The following ROBO4 variants were observed in gnomAD, a reference collection of about 807,000 sequenced individuals.
The protein encoded by ROBO4 is roundabout guidance receptor 4.
ROBO4 carries 80 observed loss-of-function variants against 103.3 expected under a neutral mutation model. The ratio of observed to expected loss-of-function variants is 0.77; its 90% CI spans 0.65 to 0.93. ROBO4 has a LOEUF of 0.93. Among genes scored for constraint, ROBO4 ranks in the 40% least tolerant of loss-of-function variants. The pLI, the probability that ROBO4 is intolerant of heterozygous loss-of-function variation, is 0.00. For missense variants in ROBO4, 1,333 were observed against 1,305.3 expected (o/e 1.02, Z -0.33); for synonymous variants, 504 against 529.7 (o/e 0.95, Z 0.67).
At position 124,886,660 on chromosome 11, in the gene ROBO4, G is replaced by A; in HGVS notation, c.2598C>T (p.Pro866=). ...LLCPPRPCLT[P]TPSEGSLANG... is the part of the protein sequence containing the mutation. ...TGGCTAAGGAGCCCTCGCTGGGGGT[G>A]GGGGTGAGGCAGGGCCGAGGTGGGC... is the stretch of plus-strand genomic sequence containing the variant. Residue 866 remains proline, a synonymous_variant, in exon 16 of 18, where the codon CCC becomes CCT. Coordinates refer to ENST00000306534, the MANE Select transcript of ROBO4 (RefSeq NM_019055.6). 4 of 1,613,892 alleles carry A rather than the reference G, an allele frequency of 2.5e-6. No homozygotes were observed. Among genetic ancestry groups the A allele is most frequent in the Non-Finnish European group, 3.4e-6 (4 of 1,179,814 alleles).
At chr11:124,892,012 G>A (rs1460681169) in intron 10 of ROBO4, 1 of 715,830 alleles carries the variant, frequency 1.4e-6, no homozygotes, top group Non-Finnish European at 2.5e-6. Context: ...TGGATGAGGG[G>A]AAATCCGAGT....
intron 12 of ROBO4, among the ~76,000 whole-genome samples, chr11:124,889,260 C>T (rs1409528288): frequency 6.6e-6 from 1 of 152,200 alleles, no homozygotes; most frequent in African/African-American, 2.4e-5. Context: ...TGCACCAACT[C>T]TGCTATCATC....
At chr11:124,897,629 C>T in intron 1 of ROBO4, 97 bp downstream of exon 1, 4 of 1,025,274 alleles carry the variant, frequency 3.9e-6, no homozygotes, top group Non-Finnish European at 6.2e-6. Flanking sequence ...CTCTGGTCCC[C>T]CCACTGCAAA....
chr11:124,895,752 G>T, intron 5 of ROBO4, 33 bp downstream of exon 5: 1 of 1,613,776 alleles, frequency 6.2e-7, no homozygotes, highest in Admixed American at 1.7e-5. Flanking sequence ...TTGAGCTCTG[G>T]ATCGGCTTTT....
chr11:124,896,193 C>T lies in ROBO4; in HGVS notation c.679+5G>A, dbSNP rs1260631311. 9 of 1,613,664 alleles carry T rather than the reference C, an allele frequency of 5.6e-6. No homozygotes were observed. Among genetic ancestry groups the T allele is most frequent in the Middle Eastern group, 3.3e-4 (2 of 6,058 alleles). On this transcript the variant is annotated splice_donor_5th_base_variant and intron_variant, in intron 4 of 17. Transcript: ENST00000306534. ...GCTCTGATTGTAGCCCACCCCTGCC[C>T]TTACCCTGGATGGAAACCCGGGCTG...
intron 1 of ROBO4, 121 bp from the exon 2 acceptor site, chr11:124,897,382 T>C: frequency 1.3e-6 from 1 of 786,042 alleles, no homozygotes; most frequent in South Asian, 2.2e-5. Context: ...TCTGAACTAC[T>C]AAAGGTTGCC....
At position 124,892,302 on chromosome 11, in the gene ROBO4, T is replaced by G. The variant is rs73617444; in HGVS notation, c.1548-500A>C. On this transcript the variant is annotated intron_variant, in intron 10 of 17. Coordinates refer to ENST00000306534, the MANE Select transcript of ROBO4 (RefSeq NM_019055.6). ...GAGCAGGAGCTTGCTCCATGGATATTGGCCTCTGGCTGCCTGAGTGATCCT... is the reference window on the plus strand; with the variant it reads ...GAGCAGGAGCTTGCTCCATGGATATGGGCCTCTGGCTGCCTGAGTGATCCT... 950 of 324,854 alleles carry G rather than the reference T, an allele frequency of 2.9e-3. 10 individuals carry two copies. Among genetic ancestry groups the G allele is most frequent in the African/African-American group, 0.019 (893 of 46,384 alleles). 20.1% of individuals were successfully genotyped at this position (324,854 alleles called of 1,614,324 possible).
In ROBO4 at chr11:124,885,368, C is replaced by A. The variant is rs1946695836; in HGVS notation, c.2795-121G>T. ...CCCAGCCCTAAACATAACCTAACCC[C>A]AACTCAGCCCATCAGTCCCAGAGGC... On this transcript the variant is annotated intron_variant, in intron 16 of 17. Coordinates refer to ENST00000306534, the MANE Select transcript of ROBO4 (RefSeq NM_019055.6). The A allele has an allele frequency of 3.6e-5, 26 of 722,130 alleles. 1 individual carries two copies. In the South Asian group the frequency reaches 4.7e-4, roughly 13 times the overall value. 44.7% of individuals were successfully genotyped at this position (722,130 alleles called of 1,614,324 possible).
rs112428012 is a variant in ROBO4, at chr11:124,890,608, A to G, written c.1948+691T>C. Among the ~76,000 whole-genome samples, 1,500 of 152,376 alleles carry G rather than the reference A, an allele frequency of 9.8e-3. 16 individuals are homozygous for G. The highest frequency in any genetic ancestry group is 0.025 in the African/African-American group (1,060 of 41,590). ...ACCCTCTTCCTGTCTGTAAAATTAGAGAAATAGTAGCTAGCCAATCTATTG... is the reference window on the plus strand; with the variant it reads ...ACCCTCTTCCTGTCTGTAAAATTAGGGAAATAGTAGCTAGCCAATCTATTG... On this transcript the variant is annotated intron_variant, in intron 12 of 17. Coordinates refer to ENST00000306534, the MANE Select transcript of ROBO4 (RefSeq NM_019055.6).
chr11:124,885,184 A>G lies in ROBO4; in HGVS notation c.2858T>C (p.Leu953Pro). 1 of 1,613,874 alleles carries G rather than the reference A, an allele frequency of 6.2e-7. No homozygotes were observed. Among genetic ancestry groups the G allele is most frequent in the Non-Finnish European group, 8.5e-7 (1 of 1,179,988 alleles). Residue 953 changes from leucine to proline, a missense_variant, in exon 17 of 18, where the codon CTG becomes CCG. By Grantham distance (98) the Leu-to-Pro change is moderately conservative. Transcript: ENST00000306534. The part of the protein sequence containing the change: ...IFLTPNLSLP[L>P]WEWRPDWLED... Reference sequence around the variant, plus strand: ...CAACCAGTCTGGCCTCCACTCCCACAGGGGCAGGGAGAGGTTGGGGGTCAG... The same window carrying G: ...CAACCAGTCTGGCCTCCACTCCCACGGGGGCAGGGAGAGGTTGGGGGTCAG...
At chr11:124,896,821 G>T in intron 2 of ROBO4, 111 bp downstream of exon 2, 1 of 1,521,652 alleles carries the variant, frequency 6.6e-7, no homozygotes, top group Admixed American at 2.0e-5. Flanking sequence ...TTCCAGCCCA[G>T]GCCTCTGCTC....
intron 16 of ROBO4, 146 bp downstream of exon 16, chr11:124,886,318 T>C (rs1290579699): frequency 1.5e-5 from 10 of 656,466 alleles, no homozygotes; most frequent in Non-Finnish European, 2.4e-5. Flanking sequence ...ACTTTCAATA[T>C]TAAATGTATG....
chr11:124,895,261 G>A, intron 6 of ROBO4, 68 bp from the exon 7 acceptor site: 2 of 1,324,378 alleles, frequency 1.5e-6, no homozygotes, highest in South Asian at 1.2e-5. Context: ...GAGCTGGGCT[G>A]GGGGACACAG....
intron 12 of ROBO4, 92 bp downstream of exon 12, chr11:124,891,207 C>T: frequency 1.4e-6 from 2 of 1,437,472 alleles, no homozygotes; most frequent in Non-Finnish European, 1.8e-6. Flanking sequence ...GTTGCACGCC[C>T]CTCCAGGCTT....
chr11:124,887,285 C>T, intron 14 of ROBO4, 72 bp from the exon 15 acceptor site: 1 of 1,606,014 alleles, frequency 6.2e-7, no homozygotes, highest in Non-Finnish European at 8.5e-7. Flanking sequence ...CTTCCCCAGC[C>T]TGTCCAATCC....
At chr11:124,887,278 C>G in intron 14 of ROBO4, 65 bp from the exon 15 acceptor site, 1 of 1,602,906 alleles carries the variant, frequency 6.2e-7, no homozygotes, top group Non-Finnish European at 8.5e-7. Context: ...TTCCCCCCTT[C>G]CCCAGCCTGT....
chr11:124,895,708 G>T (rs774937411), intron 5 of ROBO4, 23 bp from the exon 6 acceptor site: 2 of 1,611,472 alleles, frequency 1.2e-6, no homozygotes, highest in Non-Finnish European at 1.7e-6. Flanking sequence ...TTCGAGGAAG[G>T]GCGGGGGGTC....
intron 7 of ROBO4, 150 bp from the exon 8 acceptor site, chr11:124,894,519 C>A: frequency 1.4e-6 from 1 of 692,522 alleles, no homozygotes; most frequent in Non-Finnish European, 2.4e-6. Flanking sequence ...TCCTATTCTC[C>A]CTACCAAGTG....
chr11:124,884,573 G>C lies in ROBO4; in HGVS notation c.*318C>G, dbSNP rs537330751. On this transcript the variant is annotated 3_prime_UTR_variant, in exon 18 of 18. Transcript: ENST00000306534. Reference sequence around the variant, plus strand: ...CTCCACTTCCTGTGATCCAAATGGTGGGGGAAGAGCAGCAGGCAGGGCTGC... The same window carrying C: ...CTCCACTTCCTGTGATCCAAATGGTCGGGGAAGAGCAGCAGGCAGGGCTGC... The C allele has an allele frequency of 2.3e-6, 1 of 439,862 alleles. No homozygotes were observed. The highest frequency in any genetic ancestry group is 4.1e-5 in the East Asian group (1 of 24,392). 27.2% of individuals were successfully genotyped at this position (439,862 alleles called of 1,614,324 possible).
Sources: gnomAD v4.1 joint callset for allele counts (sites outside exome capture counted in the v4.1 genomes callset) on GRCh38, gnomAD v4.1.1 for gene constraint, MANE v1.5 for transcripts, NCBI Gene and HGNC (gene_info 2026-07-23, HGNC 2026-07-21) for gene names.